ENTPD5: variants seen among roughly 807,000 people sequenced by gnomAD.
The protein encoded by ENTPD5 is nucleoside diphosphate phosphatase ENTPD5.
In ENTPD5, 49 loss-of-function variants were observed where a neutral mutation model predicts 60.2. The ratio of observed to expected loss-of-function variants is 0.81; its 90% CI spans 0.65 to 1.03. The LOEUF (loss-of-function observed/expected upper bound fraction) is 1.03. ENTPD5 is among the 50% of genes least tolerant of loss of function. ENTPD5 has a pLI of 0.00. For missense variants in ENTPD5, 480 were observed against 507.6 expected (o/e 0.95, Z 0.52); for synonymous variants, 187 against 185.4 (o/e 1.01, Z -0.07).
At chr14:73,960,294 G>T (rs1044286007), downstream of ENTPD5, 10 of 985,710 alleles carry the variant, frequency 1.0e-5, no homozygotes, top group African/African-American at 1.6e-4. Flanking sequence ...CAAAATGAGA[G>T]AACTTTTGTA....
At chr14:73,970,477 GCAAGACT>G (rs2140476463) in intron 14 of ENTPD5, among the ~76,000 whole-genome samples, 1 of 151,952 alleles carries the variant, frequency 6.6e-6, no homozygotes, top group East Asian at 1.9e-4. Context: ...GGGTGACAGA[GCAAGACT>G]CTGTCTCAAA....
In ENTPD5 at chr14:73,983,176, A is replaced by G. The variant is rs1232973797; in HGVS notation, c.298-15T>C. 3.1e-6 allele frequency: 5 copies of G among 1,602,770 alleles called. No individual in the cohort carries two copies. In the South Asian group the frequency reaches 5.6e-5, roughly 18 times the overall value. ...GTCTCAGCACCCTTCAAAAGAGATA[A>G]CCCGTTCATCTGATGAACGATCCAT... On this transcript the variant is annotated splice_polypyrimidine_tract_variant and intron_variant, in intron 5 of 15. Transcript: ENST00000334696.
At chr14:73,992,683 C>CA (rs199594365) in intron 3 of ENTPD5, among the ~76,000 whole-genome samples, 3,151 of 62,474 alleles carry the variant, frequency 0.05, 82 homozygotes, top group African/African-American at 0.13. Flanking sequence ...GACTCCGTCT[C>CA]AAAAAAAAAA....
At chr14:73,986,714 C>T (rs1456384251) in intron 5 of ENTPD5, 100 bp downstream of exon 5, 2 of 834,310 alleles carry the variant, frequency 2.4e-6, no homozygotes, top group Non-Finnish European at 4.0e-6. Flanking sequence ...CACACATGAT[C>T]TCAATCTCAT....
At chr14:73,957,848 C>G (rs2056515588), downstream of ENTPD5, among the ~76,000 whole-genome samples, 1 of 152,144 alleles carries the variant, frequency 6.6e-6, no homozygotes, top group African/African-American at 2.4e-5. Flanking sequence ...ACTGTAAAAG[C>G]AAACACGGGC....
At chr14:74,017,227 A>T (rs2059041817) in intron 1 of ENTPD5, among the ~76,000 whole-genome samples, 1 of 152,044 alleles carries the variant, frequency 6.6e-6, no homozygotes, top group African/African-American at 2.4e-5. Flanking sequence ...CTGAGGCAGG[A>T]GAATTGCTTG....
At chr14:74,018,330 G>A (rs1265899350) in intron 1 of ENTPD5, 1 of 152,154 alleles carries the variant, frequency 6.6e-6, no homozygotes, top group Non-Finnish European at 1.5e-5. Context: ...AGGAGTGTAC[G>A]GATTAAGTCC....
At chr14:73,957,986 CATTT>C (rs969012055), downstream of ENTPD5, 1 of 683,970 alleles carries the variant, frequency 1.5e-6, no homozygotes, top group Non-Finnish European at 2.6e-6. Flanking sequence ...TGGCTTCTGT[CATTT>C]ATTAGCTCAG....
chr14:73,983,317 G>A (rs1320885967), intron 5 of ENTPD5, among the ~76,000 whole-genome samples, 156 bp from the exon 6 acceptor site: 1 of 152,064 alleles, frequency 6.6e-6, no homozygotes, highest in Non-Finnish European at 1.5e-5. Context: ...AGAGAAGTGG[G>A]CCGCTTTGAA....
downstream of ENTPD5, chr14:73,960,479 T>G: frequency 3.0e-6 from 3 of 992,868 alleles, no homozygotes; most frequent in Non-Finnish European, 3.6e-6. Context: ...GCAACAAGAA[T>G]AAAGGGAACT....
rs531591734 is a variant in ENTPD5, at chr14:73,993,298, C to T, written c.-70-5126G>A. 3.6e-4 allele frequency among the ~76,000 whole-genome samples: 55 copies of T among 152,304 alleles called. 2 individuals carry two copies. The South Asian group carries it at 0.011, about 30-fold the overall frequency. Reference sequence around the variant, plus strand: ...GGTTCAGTGAGCTGTGACTGCACTACTGCACTTCAGCCTAGGTACAGAGTG... The same window carrying T: ...GGTTCAGTGAGCTGTGACTGCACTATTGCACTTCAGCCTAGGTACAGAGTG... On this transcript the variant is annotated intron_variant, in intron 3 of 15. Coordinates refer to ENST00000334696, the MANE Select transcript of ENTPD5 (RefSeq NM_001249.5).
downstream of ENTPD5, among the ~76,000 whole-genome samples, chr14:73,957,199 A>G (rs1184190364): frequency 2.0e-5 from 3 of 151,322 alleles, no homozygotes; most frequent in African/African-American, 7.3e-5. Flanking sequence ...CCAGGTTCAC[A>G]CCATTCTCCT....
intron 3 of ENTPD5, among the ~76,000 whole-genome samples, chr14:73,989,489 G>A (rs1178539589): frequency 9.3e-5 from 14 of 151,174 alleles, no homozygotes; most frequent in Admixed American, 9.2e-4. Context: ...CCTGAGGTCA[G>A]GAGTTTGAGA....
chr14:73,985,328 C>T (rs890348791), intron 5 of ENTPD5, among the ~76,000 whole-genome samples: 2 of 152,182 alleles, frequency 1.3e-5, no homozygotes, highest in African/African-American at 2.4e-5. Flanking sequence ...CTGTCTTCCA[C>T]AATGGTTGAA....
In ENTPD5 at chr14:74,015,717, T is replaced by C. The variant is rs149795139; in HGVS notation, c.-131+107A>G. The C allele has an allele frequency of 1.0e-3, 156 of 152,174 alleles. 1 individual carries two copies. Among genetic ancestry groups the C allele is most frequent in the African/African-American group, 3.7e-3 (154 of 41,530 alleles). 9.4% of individuals were successfully genotyped at this position (152,174 alleles called of 1,614,324 possible). On this transcript the variant is annotated intron_variant, in intron 2 of 15. Transcript: ENST00000334696. ...TTATATATGGCTTGTTGGACAAAAT[T>C]AACATCACTTGGCAAAAAACAGAGA...
At chr14:73,991,169 T>C (rs1158657851) in intron 3 of ENTPD5, among the ~76,000 whole-genome samples, 4 of 152,160 alleles carry the variant, frequency 2.6e-5, no homozygotes. Context: ...ACAAAAACAA[T>C]TAAGTGCTTT....
chr14:73,999,523 C>T (rs777256996), intron 3 of ENTPD5, among the ~76,000 whole-genome samples: 3 of 151,736 alleles, frequency 2.0e-5, no homozygotes, highest in African/African-American at 4.8e-5. Flanking sequence ...AGGCCGGGCA[C>T]GGTGGCTCAC....
In ENTPD5 at chr14:73,974,946, G is replaced by T. The variant is rs763355064; in HGVS notation, c.762C>A (p.Thr254=). ...AACCTTCTGTCTCCAGGGCTCCCAG[G>T]GTTGCTAGTCTTGCAGCTTTCAATC... ...GFGLKAARLA[T]LGALETEGTD... Residue 254 remains threonine (T), a synonymous_variant, in exon 11 of 16, where the codon ACC becomes ACA. Coordinates refer to ENST00000334696, the MANE Select transcript of ENTPD5 (RefSeq NM_001249.5). The T allele has an allele frequency of 5.0e-6, 8 of 1,613,670 alleles. No individual in the cohort carries two copies. The highest frequency in any genetic ancestry group is 4.5e-5 in the East Asian group (2 of 44,874).
chr14:73,976,473 C>T (rs911986103), intron 8 of ENTPD5, 61 bp from the exon 9 acceptor site: 18 of 1,327,032 alleles, frequency 1.4e-5, no homozygotes, highest in Non-Finnish European at 2.0e-5. Context: ...ACACTTGTCT[C>T]TCTTGCTCTT....
Sources: allele counts gnomAD v4.1 joint callset (sites outside exome capture counted in the v4.1 genomes callset), GRCh38; gene constraint gnomAD v4.1.1; transcripts MANE v1.5; gene names NCBI Gene and HGNC (gene_info 2026-07-23, HGNC 2026-07-21).